PDSS2: variants seen among roughly 807,000 people sequenced by gnomAD.
The protein encoded by PDSS2 is decaprenyl diphosphate synthase subunit 2.
PDSS2 carries 31 observed loss-of-function variants against 44.5 expected under a neutral mutation model. That is an observed-to-expected ratio of 0.70 (90% confidence interval 0.52 to 0.94). The LOEUF (loss-of-function observed/expected upper bound fraction) is 0.94. Among genes scored for constraint, PDSS2 ranks in the 40% least tolerant of loss-of-function variants. The pLI is 0.00. For missense variants in PDSS2, 452 were observed against 482.2 expected (o/e 0.94, Z 0.59); for synonymous variants, 157 against 180.3 (o/e 0.87, Z 1.03).
At chr6:107,451,840 C>T (rs1157805760) in intron 1 of PDSS2, among the ~76,000 whole-genome samples, 1 of 152,172 alleles carries the variant, frequency 6.6e-6, no homozygotes, top group Non-Finnish European at 1.5e-5. Context: ...TGTCTTTTCT[C>T]ATTCCTTTGA....
At chr6:107,356,025 G>A (rs1348383547) in intron 1 of PDSS2, among the ~76,000 whole-genome samples, 1 of 152,214 alleles carries the variant, frequency 6.6e-6, no homozygotes. Flanking sequence ...ATTATAGAGA[G>A]GCACAAGGCT....
intron 1 of PDSS2, among the ~76,000 whole-genome samples, chr6:107,389,801 C>T (rs917716535): frequency 6.6e-6 from 1 of 151,760 alleles, no homozygotes. Context: ...TTCTAAATAC[C>T]ACTATTCAAT....
At chr6:107,280,755 A>G (rs2430476) in intron 2 of PDSS2, among the ~76,000 whole-genome samples, 36,262 of 152,204 alleles carry the variant, frequency 0.24, 5,601 homozygotes, top group Middle Eastern at 0.47. Flanking sequence ...AATGTTTTGC[A>G]TTTAAGTTGA....
chr6:107,162,672 A>G (rs1257672183), intron 7 of PDSS2, among the ~76,000 whole-genome samples: 1 of 137,156 alleles, frequency 7.3e-6, no homozygotes, highest in Non-Finnish European at 1.5e-5. Flanking sequence ...CAGTGGCGCA[A>G]TCTCAGCTCT....
At chr6:107,354,815 A>G (rs1178711596) in intron 1 of PDSS2, among the ~76,000 whole-genome samples, 2 of 152,206 alleles carry the variant, frequency 1.3e-5, no homozygotes, top group South Asian at 2.1e-4. Context: ...ATAAATAGCC[A>G]TTTTTATTAT....
At chr6:107,163,590 T>C (rs1046931838) in intron 7 of PDSS2, among the ~76,000 whole-genome samples, 25 of 151,974 alleles carry the variant, frequency 1.6e-4, no homozygotes, top group Admixed American at 1.6e-3. Flanking sequence ...TTGAAAAGAA[T>C]GATCTTGTTC....
rs556095675 is a variant in PDSS2 at position 107,218,285 on chromosome 6, G to A, written c.703-6003C>T. ...GGGTGACCTTTAAAAACACAAACCA[G>A]AACTACAATGGCCTCCAGCTGTTCC... On this transcript the variant is annotated intron_variant, in intron 4 of 7. Coordinates refer to ENST00000369037, the MANE Select transcript of PDSS2 (RefSeq NM_020381.4). Among the ~76,000 whole-genome samples, 9 of 152,256 alleles carry A rather than the reference G, an allele frequency of 5.9e-5. No homozygotes were observed. The South Asian group carries it at 1.0e-3, about 18-fold the overall frequency.
At chr6:107,203,715 T>G (rs961207870) in intron 6 of PDSS2, among the ~76,000 whole-genome samples, 2 of 152,136 alleles carry the variant, frequency 1.3e-5, no homozygotes, top group African/African-American at 4.8e-5. Flanking sequence ...CAGTGGCATT[T>G]AGTACATTCA....
At chr6:107,422,423 T>C (rs1780855693) in intron 1 of PDSS2, among the ~76,000 whole-genome samples, 1 of 152,018 alleles carries the variant, frequency 6.6e-6, no homozygotes, top group Non-Finnish European at 1.5e-5. Context: ...ATATTTCCAA[T>C]AGAAGATATT....
At chr6:107,162,610 A>ATTTTTTTTTCTTTTTTTTTTT (rs1554246877) in intron 7 of PDSS2, among the ~76,000 whole-genome samples, 2 of 115,552 alleles carry the variant, frequency 1.7e-5, no homozygotes, top group African/African-American at 7.0e-5. Context: ...GAATTCCCTA[A>ATTTTTTTTTCTTTTTTTTTTT]TTTTTTTTTT....
chr6:107,418,590 G>A lies in PDSS2; in HGVS notation c.296+40400C>T, dbSNP rs186189525. On this transcript the variant is annotated intron_variant, in intron 1 of 7. Coordinates refer to ENST00000369037, the MANE Select transcript of PDSS2 (RefSeq NM_020381.4). ...AGTTCGAGACCATCCTGGGAAACAT[G>A]ATGATACCCCGCATCTGCCAAAAAT... is the stretch of plus-strand genomic sequence containing the variant. Among the ~76,000 whole-genome samples the A allele has an allele frequency of 1.1e-4, 17 of 152,196 alleles. 1 individual carries two copies. The highest frequency in any genetic ancestry group is 4.6e-4 in the Admixed American group (7 of 15,276).
chr6:107,353,460 CCTT>C (rs1369470039), intron 1 of PDSS2, among the ~76,000 whole-genome samples: 1 of 152,114 alleles, frequency 6.6e-6, no homozygotes, highest in East Asian at 1.9e-4. Context: ...CAATTACTCT[CCTT>C]CTGTAATTTT....
chr6:107,379,954 TCA>T (rs1394743928), intron 1 of PDSS2, among the ~76,000 whole-genome samples: 1 of 152,080 alleles, frequency 6.6e-6, no homozygotes, highest in Non-Finnish European at 1.5e-5. Context: ...TTCTCTATTA[TCA>T]GTTTTTTTTG....
At chr6:107,190,243 T>C (rs1042960434) in intron 7 of PDSS2, among the ~76,000 whole-genome samples, 2 of 152,198 alleles carry the variant, frequency 1.3e-5, no homozygotes, top group African/African-American at 4.8e-5. Flanking sequence ...TAAGCAATCT[T>C]CTTAACCCTG....
At chr6:107,205,138 A>G (rs1254790375) in intron 6 of PDSS2, among the ~76,000 whole-genome samples, 1 of 152,228 alleles carries the variant, frequency 6.6e-6, no homozygotes, top group Non-Finnish European at 1.5e-5. Context: ...CACGCACACC[A>G]GTCTTGCCTA....
chr6:107,269,952 C>A (rs1382698707), intron 3 of PDSS2, among the ~76,000 whole-genome samples: 1 of 152,096 alleles, frequency 6.6e-6, no homozygotes, highest in Admixed American at 6.5e-5. Flanking sequence ...CAGGCGTGAG[C>A]CACCGTGCCC....
At chr6:107,441,093 A>G (rs1781497611) in intron 1 of PDSS2, among the ~76,000 whole-genome samples, 1 of 152,178 alleles carries the variant, frequency 6.6e-6, no homozygotes, top group African/African-American at 2.4e-5. Context: ...CAAGGCTATT[A>G]TGTTCTTTCT....
At chr6:107,226,011 A>G (rs1773807207) in intron 4 of PDSS2, among the ~76,000 whole-genome samples, 1 of 152,204 alleles carries the variant, frequency 6.6e-6, no homozygotes, top group South Asian at 2.1e-4. Context: ...ATAACCGCAC[A>G]AAGAAATATA....
intron 1 of PDSS2, among the ~76,000 whole-genome samples, chr6:107,362,245 T>C (rs1339820143): frequency 1.3e-5 from 2 of 151,890 alleles, no homozygotes; most frequent in Non-Finnish European, 2.9e-5. Context: ...CATGTGCAGG[T>C]GGGACATGAG....
Sources: allele counts gnomAD v4.1 joint callset (sites outside exome capture counted in the v4.1 genomes callset), GRCh38; gene constraint gnomAD v4.1.1; transcripts MANE v1.5; gene names NCBI Gene and HGNC (gene_info 2026-07-23, HGNC 2026-07-21).